IST1: variants seen among roughly 807,000 people sequenced by gnomAD.
IST1 encodes the protein IST1 factor associated with ESCRT-III.
In IST1, 23 loss-of-function variants were observed where a neutral mutation model predicts 37.0. The ratio of observed to expected loss-of-function variants is 0.62; its 90% CI spans 0.45 to 0.88. The LOEUF (loss-of-function observed/expected upper bound fraction) is 0.88, where lower values mean the gene tolerates loss of function less well. Among genes scored for constraint, IST1 ranks in the 40% least tolerant of loss-of-function variants. IST1 has a pLI of 0.00. For missense variants in IST1, 488 were observed against 445.4 expected (o/e 1.10, Z -0.86); for synonymous variants, 180 against 161.7 (o/e 1.11, Z -0.86).
intron 1 of IST1, among the ~76,000 whole-genome samples, chr16:71,900,215 C>T (rs1328758413): frequency 6.6e-6 from 1 of 150,898 alleles, no homozygotes; most frequent in Non-Finnish European, 1.5e-5. Flanking sequence ...ACGTCAAAAC[C>T]AAAAGCTTTT....
At position 71,914,952 on chromosome 16, in the gene IST1, ACT is replaced by A. The variant is rs569483724; in HGVS notation, c.-15-671_-15-670del. 5.3e-5 allele frequency among the ~76,000 whole-genome samples: 8 copies of A among 152,188 alleles called. No individual in the cohort carries two copies. The South Asian group carries it at 1.7e-3, about 32-fold the overall frequency. On this transcript the variant is annotated intron_variant, in intron 1 of 9. Transcript: ENST00000378799. ...AGGACGGGTGGTTTTGTTTACTGTA[ACT>A]CTGCTATTCAGTGAAATTCCTGGTA...
intron 1 of IST1, among the ~76,000 whole-genome samples, chr16:71,906,884 C>A (rs1424336694): frequency 6.6e-6 from 1 of 152,022 alleles, no homozygotes; most frequent in African/African-American, 2.4e-5. Context: ...AAATTGTCAG[C>A]TGGGTACGGT....
At chr16:71,919,988 G>C (rs1039400917) in intron 4 of IST1, among the ~76,000 whole-genome samples, 1 of 152,180 alleles carries the variant, frequency 6.6e-6, no homozygotes, top group Non-Finnish European at 1.5e-5. Flanking sequence ...AGCGCACACT[G>C]AACAAAGGGG....
At chr16:71,906,836 A>G (rs768349713) in intron 1 of IST1, among the ~76,000 whole-genome samples, 4 of 152,080 alleles carry the variant, frequency 2.6e-5, no homozygotes, top group Non-Finnish European at 5.9e-5. Context: ...CTTGTAGGTA[A>G]TGCATCGTTT....
Position 71,922,663 on chromosome 16 carries a change from C to T in IST1, c.742C>T (p.Pro248Ser). 1.2e-6 allele frequency: 2 copies of T among 1,606,570 alleles called. No individual in the cohort carries two copies. The highest frequency in any genetic ancestry group is 8.5e-7 in the Non-Finnish European group (1 of 1,177,792). The change falls in exon 7 of 10, where the codon CCA (proline) becomes TCA (serine). Residue 248 changes from proline to serine, a missense_variant. Around this residue, in one of 2 missense-constraint regions of IST1, gnomAD observed 455 missense variants for 386.2 expected, o/e 1.18. Transcript: ENST00000378799. Reference protein sequence around the residue: ...MPSANTPFSYPLPKGPSDFNG... With the variant: ...MPSANTPFSYSLPKGPSDFNG... ...ATCTGCAAATACGCCTTTCTCATATCCACTGCCAAAGGGACCAGTAAGTAT... is the reference window on the plus strand; with the variant it reads ...ATCTGCAAATACGCCTTTCTCATATTCACTGCCAAAGGGACCAGTAAGTAT...
In IST1 at chr16:71,929,744, A is replaced by G. The variant is rs1000344998; in HGVS notation, c.*1931A>G. The G allele has an allele frequency of 3.6e-6, 5 of 1,371,328 alleles. No individual in the cohort carries two copies. The highest frequency in any genetic ancestry group is 4.9e-6 in the Non-Finnish European group (5 of 1,017,146). The allele number at this position is 1,371,328 out of a possible 1,614,324, so 84.9% of individuals were successfully genotyped here. A position where few individuals can be genotyped will look rare whatever the true frequency, so the allele number is the denominator to read the frequency against. On this transcript the variant is annotated 3_prime_UTR_variant, in exon 10 of 10. Coordinates refer to ENST00000378799, the MANE Select transcript of IST1 (RefSeq NM_001270975.2). ...AATTACTGCTAATAGTGGAGTAAAA[A>G]AAGTACCAAAGATTTTTAAAAAATT...
chr16:71,896,345 G>C (rs2036971582), intron 1 of IST1, among the ~76,000 whole-genome samples: 1 of 152,110 alleles, frequency 6.6e-6, no homozygotes, highest in African/African-American at 2.4e-5. Context: ...GTCTGTCGTA[G>C]TAAACTTAAA....
At position 71,928,236 on chromosome 16, in the gene IST1, T is replaced by C. The variant is rs1488759661; in HGVS notation, c.*423T>C. The C allele has an allele frequency of 3.0e-5, 6 of 197,086 alleles. No individual in the cohort carries two copies. The highest frequency in any genetic ancestry group is 4.3e-3 in the Middle Eastern group (2 of 462). 12.2% of individuals were successfully genotyped at this position (197,086 alleles called of 1,614,324 possible). ...CCAGACTTAGAAACAGACCCCTCTG[T>C]ACAGGGGGATTGTGGTGAGTGAGAA... On this transcript the variant is annotated 3_prime_UTR_variant, in exon 10 of 10. Transcript: ENST00000378799.
Position 71,927,736 on chromosome 16 carries a change from G to A in IST1, c.1024G>A (p.Ala342Thr), listed in dbSNP as rs1441086991. 2 of 1,613,804 alleles carry A rather than the reference G, an allele frequency of 1.2e-6. No individual in the cohort carries two copies. Among genetic ancestry groups the A allele is most frequent in the Non-Finnish European group, 1.7e-6 (2 of 1,179,700 alleles). Residue 342 changes from alanine (A) to threonine (T), a missense_variant, in exon 10 of 10, where the codon GCC becomes ACC. By Grantham distance (58) the Ala-to-Thr change is moderately conservative. Around this residue, in one of 2 missense-constraint regions of IST1, gnomAD observed 455 missense variants for 386.2 expected, o/e 1.18. Coordinates refer to ENST00000378799, the MANE Select transcript of IST1 (RefSeq NM_001270975.2). ...CACACTACCAACTGCATCTGCTGGT[G>A]CCAGCACCTCAGCATCTGAAGACAT... is the stretch of plus-strand genomic sequence containing the variant. ...PDTLPTASAG[A>T]STSASEDIDF...
chr16:71,921,274 C>G (rs116941877), intron 5 of IST1, 69 bp from the exon 6 acceptor site: 5 of 902,934 alleles, frequency 5.5e-6, no homozygotes, highest in Non-Finnish European at 7.4e-6. Flanking sequence ...GAGCTAACTT[C>G]GCATAGTGAG....
At chr16:71,899,018 C>G (rs1401996096) in intron 1 of IST1, among the ~76,000 whole-genome samples, 2 of 151,108 alleles carry the variant, frequency 1.3e-5, no homozygotes, top group Non-Finnish European at 2.9e-5. Context: ...ATGAATTTCC[C>G]ATAATGTTTT....
upstream of IST1, chr16:71,895,213 G>C (rs114801282): frequency 3.5e-3 from 628 of 181,210 alleles, 3 homozygotes; most frequent in African/African-American, 0.014. Context: ...CACTGGGCGC[G>C]GTGAGGCCGT....
chr16:71,919,831 A>T (rs1021156068), intron 4 of IST1, among the ~76,000 whole-genome samples: 7 of 152,198 alleles, frequency 4.6e-5, no homozygotes, highest in South Asian at 4.1e-4. Flanking sequence ...CTGTAGTTGC[A>T]GTTGTACCTT....
At chr16:71,907,263 T>C (rs2037245121) in intron 1 of IST1, among the ~76,000 whole-genome samples, 1 of 151,450 alleles carries the variant, frequency 6.6e-6, no homozygotes, top group African/African-American at 2.4e-5. Context: ...AAATACTCTT[T>C]CTCCTATCCT....
chr16:71,909,615 C>G (rs1238790819), intron 1 of IST1, among the ~76,000 whole-genome samples: 2 of 152,210 alleles, frequency 1.3e-5, no homozygotes, highest in African/African-American at 4.8e-5. Flanking sequence ...ATGATCATAT[C>G]AGTTTATACA....
At position 71,922,524 on chromosome 16, in the gene IST1, AGAT is replaced by A. The variant is rs1345673168; in HGVS notation, c.608_610del (p.Asp203del). On this transcript the variant is annotated inframe_deletion, in exon 7 of 10. Transcript: ENST00000378799. The stretch of plus-strand genomic sequence containing the variant: ...CAGATCTTATTGATGTTGGATTCAC[AGAT>A]GATGTGAAGAAAGGAGGCCCTGGAA... 1.2e-6 allele frequency: 2 copies of A among 1,614,226 alleles called. No homozygotes were observed. The highest frequency in any genetic ancestry group is 1.1e-5 in the South Asian group (1 of 91,090).
chr16:71,897,748 C>T (rs865998158), intron 1 of IST1, among the ~76,000 whole-genome samples: 1 of 151,710 alleles, frequency 6.6e-6, no homozygotes, highest in African/African-American at 2.4e-5. Flanking sequence ...GAGTTTGAGA[C>T]CAGCCTGGAC....
chr16:71,930,305 G>T lies in IST1; in HGVS notation c.*2492G>T. ...AAAGCTTATCCGAAGGAAACTTAGG[G>T]AGAGAGTCAAAAGATAATAAGAAGG... On this transcript the variant is annotated 3_prime_UTR_variant, in exon 10 of 10. Coordinates refer to ENST00000378799, the MANE Select transcript of IST1 (RefSeq NM_001270975.2). The T allele has an allele frequency of 9.9e-7, 1 of 1,013,524 alleles. No homozygotes were observed. The highest frequency in any genetic ancestry group is 1.4e-6 in the Non-Finnish European group (1 of 739,350). 62.8% of individuals were successfully genotyped at this position (1,013,524 alleles called of 1,614,324 possible).
In IST1 at chr16:71,930,207, G is replaced by C; in HGVS notation, c.*2394G>C. 6.6e-7 allele frequency: 1 copy of C among 1,524,534 alleles called. No homozygotes were observed. Among genetic ancestry groups the C allele is most frequent in the Non-Finnish European group, 8.8e-7 (1 of 1,134,500 alleles). 94.4% of individuals were successfully genotyped at this position (1,524,534 alleles called of 1,614,324 possible). A position where few individuals can be genotyped will look rare whatever the true frequency, so the allele number is the denominator to read the frequency against. Reference sequence around the variant, plus strand: ...ACCTGGGAAAACAATAAGAACACTTGCAGTGACTGACAATTTAGTTTATAC... The same window carrying C: ...ACCTGGGAAAACAATAAGAACACTTCCAGTGACTGACAATTTAGTTTATAC... On this transcript the variant is annotated 3_prime_UTR_variant, in exon 10 of 10. Transcript: ENST00000378799.
Sources: allele counts gnomAD v4.1 joint callset (sites outside exome capture counted in the v4.1 genomes callset), GRCh38; gene constraint gnomAD v4.1.1; regional missense constraint gnomAD v4.1.1; transcripts MANE v1.5; gene names NCBI Gene and HGNC (gene_info 2026-07-23, HGNC 2026-07-21).